ZNF367: variants seen among roughly 807,000 people sequenced by gnomAD.
ZNF367 encodes the protein C2H2 zinc finger protein ZFF29.
Under a neutral mutation model 31.8 loss-of-function variants are expected in ZNF367, and 11 were observed. The ratio of observed to expected loss-of-function variants is 0.35; its 90% confidence interval spans 0.22 to 0.57. The LOEUF (loss-of-function observed/expected upper bound fraction) is 0.57. Among genes scored for constraint, ZNF367 ranks in the 20% least tolerant of loss-of-function variants. ZNF367 has a pLI of 0.85. For synonymous variants in ZNF367, 199 were observed against 202.4 expected, an observed-to-expected ratio of 0.98 and a Z score of 0.14; for missense variants, 353 against 484.1, an observed-to-expected ratio of 0.73 and a Z score of 2.54.
chr9:96,392,624 A>G (rs1831485513), intron 3 of ZNF367, 88 bp from the exon 4 acceptor site: 4 of 1,492,174 alleles, frequency 2.7e-6, no homozygotes, highest in Non-Finnish European at 3.6e-6. Flanking sequence ...GGTATCCAGA[A>G]AAGTAAATTA....
chr9:96,394,778 A>T (rs781508184), intron 3 of ZNF367, 45 bp downstream of exon 3: 1 of 1,558,108 alleles, frequency 6.4e-7, no homozygotes, highest in African/African-American at 1.4e-5. Flanking sequence ...TTTAACTGTT[A>T]AGTCACAACT....
At chr9:96,400,392 C>CAAAAAAAAAAA (rs57650386) in intron 1 of ZNF367, among the ~76,000 whole-genome samples, 1 of 71,898 alleles carries the variant, frequency 1.4e-5, no homozygotes, top group Non-Finnish European at 2.6e-5. Flanking sequence ...GACCCTGTCT[C>CAAAAAAAAAAA]AAAAAAAAAA....
intron 1 of ZNF367, among the ~76,000 whole-genome samples, chr9:96,409,686 A>T (rs1291552735): frequency 6.6e-6 from 1 of 152,220 alleles, no homozygotes; most frequent in East Asian, 1.9e-4. Flanking sequence ...TGGTCATCAA[A>T]TTCTTTCATC....
rs1831410420 is a variant in ZNF367, at chr9:96,386,501, G to A, written c.*1736C>T. 1 of 152,086 alleles carries A rather than the reference G, an allele frequency of 6.6e-6. No homozygotes were observed. Among genetic ancestry groups the A allele is most frequent in the Non-Finnish European group, 1.5e-5 (1 of 68,002 alleles). The allele number at this position is 152,086 out of a possible 1,614,324, so 9.4% of individuals were successfully genotyped here. A position where few individuals can be genotyped will look rare whatever the true frequency, so the allele number is the denominator to read the frequency against. ...AAACCAAGATAATTCAGATGCTATA[G>A]TCTCTCTTACCAGCTTATAAGTGCT... On this transcript the variant is annotated 3_prime_UTR_variant, in exon 5 of 5. Coordinates refer to ENST00000375256, the MANE Select transcript of ZNF367 (RefSeq NM_153695.4).
rs769443754 is a variant in ZNF367 at position 96,417,949 on chromosome 9, C to T, written c.84G>A (p.Lys28=). ...PPVIFCHDSP[K]RVLVSVIRTT... is the part of the protein sequence containing the mutation. ...TCCTGATGACCGACACCAGCACCCG[C>T]TTCGGGGAGTCGTGGCAGAAGATGA... Residue 28 remains lysine, a synonymous_variant, in exon 1 of 5, where the codon AAG becomes AAA. Coordinates refer to ENST00000375256, the MANE Select transcript of ZNF367 (RefSeq NM_153695.4). The surrounding 1 kb of genome is among the most constrained non-coding windows in gnomAD (Gnocchi z 5.0). The T allele has an allele frequency of 4.0e-6, 6 of 1,500,204 alleles. No individual in the cohort carries two copies. The East Asian group carries it at 1.6e-4, about 41-fold the overall frequency. 92.9% of individuals were successfully genotyped at this position (1,500,204 alleles called of 1,614,324 possible).
chr9:96,417,988 C>G lies in ZNF367; in HGVS notation c.45G>C (p.Pro15=). 7.0e-7 allele frequency: 1 copy of G among 1,433,286 alleles called. No homozygotes were observed. The highest frequency in any genetic ancestry group is 9.1e-7 in the Non-Finnish European group (1 of 1,101,652). The allele number at this position is 1,433,286 out of a possible 1,614,324, so 88.8% of individuals were successfully genotyped here. A position where few individuals can be genotyped will look rare whatever the true frequency, so the allele number is the denominator to read the frequency against. The change falls in exon 1 of 5, where the codon CCG becomes CCC. Residue 15 remains proline (P), a synonymous_variant. Transcript: ENST00000375256. This position sits in a 1 kb window ranked among gnomAD's most constrained non-coding sequence, Gnocchi z 5.0. The part of the protein sequence containing the change: ...FEAPMAENPP[P]PPPPVIFCHD... Reference sequence around the variant, plus strand: ...GGCAGAAGATGACGGGCGGCGGCGGCGGCGGCGGGTTCTCCGCCATGGGCG... The same window carrying G: ...GGCAGAAGATGACGGGCGGCGGCGGGGGCGGCGGGTTCTCCGCCATGGGCG...
Position 96,417,102 on chromosome 9 carries a change from A to C in ZNF367, c.420+511T>G, listed in dbSNP as rs1831840827. On this transcript the variant is annotated intron_variant, in intron 1 of 4. Coordinates refer to ENST00000375256, the MANE Select transcript of ZNF367 (RefSeq NM_153695.4). The surrounding 1 kb of genome is among the most constrained non-coding windows in gnomAD (Gnocchi z 5.0). ...CACCTAGCAAGTAGTATGCTGGATA[A>C]ATGAAAGGCAGCGAAGGCACAACTT... Among the ~76,000 whole-genome samples the C allele has an allele frequency of 6.6e-6, 1 of 152,196 alleles. No homozygotes were observed. Among genetic ancestry groups the C allele is most frequent in the African/African-American group, 2.4e-5 (1 of 41,438 alleles).
chr9:96,407,875 G>A (rs1487946981), intron 1 of ZNF367: 2 of 530,194 alleles, frequency 3.8e-6, no homozygotes, highest in Admixed American at 3.4e-5. Context: ...CAAAGTGCTG[G>A]AATTACAGGC....
intron 1 of ZNF367, among the ~76,000 whole-genome samples, chr9:96,399,893 CAAAG>C (rs1831580572): frequency 6.6e-6 from 1 of 152,090 alleles, no homozygotes; most frequent in South Asian, 2.1e-4. Flanking sequence ...ACAAACACAA[CAAAG>C]AACACAGAAT....
At position 96,417,976 on chromosome 9, in the gene ZNF367, G is replaced by A; in HGVS notation, c.57C>T (p.Pro19=). Residue 19 remains proline, a synonymous_variant, in exon 1 of 5, where the codon CCC becomes CCT. Transcript: ENST00000375256. This position sits in a 1 kb window ranked among gnomAD's most constrained non-coding sequence, Gnocchi z 5.0. ...MAENPPPPPP[P]VIFCHDSPKR... is the part of the protein sequence containing the mutation. ...TCGGGGAGTCGTGGCAGAAGATGACGGGCGGCGGCGGCGGCGGCGGGTTCT... is the reference window on the plus strand; with the variant it reads ...TCGGGGAGTCGTGGCAGAAGATGACAGGCGGCGGCGGCGGCGGCGGGTTCT... The A allele has an allele frequency of 6.9e-7, 1 of 1,446,284 alleles. No individual in the cohort carries two copies. The highest frequency in any genetic ancestry group is 9.1e-7 in the Non-Finnish European group (1 of 1,104,142). 89.6% of individuals were successfully genotyped at this position (1,446,284 alleles called of 1,614,324 possible). A position where few individuals can be genotyped will look rare whatever the true frequency, so the allele number is the denominator to read the frequency against.
chr9:96,412,821 G>A (rs929125490), intron 1 of ZNF367, among the ~76,000 whole-genome samples: 4 of 150,386 alleles, frequency 2.7e-5, no homozygotes, highest in African/African-American at 4.9e-5. Context: ...TCAGCCTCCC[G>A]AGTAGCCGGG....
chr9:96,415,271 G>A (rs1831804489), intron 1 of ZNF367, among the ~76,000 whole-genome samples: 1 of 140,808 alleles, frequency 7.1e-6, no homozygotes, highest in South Asian at 2.3e-4. Flanking sequence ...GTTTCACCGT[G>A]TTAGCCAGGA....
chr9:96,412,049 A>G (rs1289946020), intron 1 of ZNF367, among the ~76,000 whole-genome samples: 1 of 152,218 alleles, frequency 6.6e-6, no homozygotes, highest in Non-Finnish European at 1.5e-5. Context: ...TAATCATATA[A>G]TGCCCTAAAT....
Position 96,417,988 on chromosome 9 carries a change from C to T in ZNF367, c.45G>A (p.Pro15=). The T allele has an allele frequency of 7.0e-7, 1 of 1,433,280 alleles. No homozygotes were observed. Among genetic ancestry groups the T allele is most frequent in the Non-Finnish European group, 9.1e-7 (1 of 1,101,652 alleles). The allele number at this position is 1,433,280 out of a possible 1,614,324, so 88.8% of individuals were successfully genotyped here. ...GGCAGAAGATGACGGGCGGCGGCGG[C>T]GGCGGCGGGTTCTCCGCCATGGGCG... ...FEAPMAENPP[P]PPPPVIFCHD... Residue 15 remains proline (P), a synonymous_variant, in exon 1 of 5, where the codon CCG becomes CCA. Transcript: ENST00000375256. The surrounding 1 kb of genome is among the most constrained non-coding windows in gnomAD (Gnocchi z 5.0).
In ZNF367 at chr9:96,417,625, G is replaced by T; in HGVS notation, c.408C>A (p.Ser136Arg). The change falls in exon 1 of 5, where the codon AGC (serine) becomes AGA (arginine). Residue 136 changes from serine to arginine, a missense_variant. Around this residue, in one of 5 missense-constraint regions of ZNF367, gnomAD observed 70 missense variants for 57.1 expected, o/e 1.23. Coordinates refer to ENST00000375256, the MANE Select transcript of ZNF367 (RefSeq NM_153695.4). The surrounding 1 kb of genome is among the most constrained non-coding windows in gnomAD (Gnocchi z 5.0). Reference protein sequence around the residue: ...EDEEEASSPDSGHLKDGIRRG... With the variant: ...EDEEEASSPDRGHLKDGIRRG... ...CCGCGCCGCTCACCTTGAGGTGGCCGCTGTCTGGGCTGCTCGCTTCCTCCT... is the reference window on the plus strand; with the variant it reads ...CCGCGCCGCTCACCTTGAGGTGGCCTCTGTCTGGGCTGCTCGCTTCCTCCT... The T allele has an allele frequency of 4.2e-6, 3 of 706,568 alleles. No homozygotes were observed. Among genetic ancestry groups the T allele is most frequent in the Non-Finnish European group, 5.8e-6 (3 of 515,518 alleles). The allele number at this position is 706,568 out of a possible 1,614,324, so 43.8% of individuals were successfully genotyped here. A position where few individuals can be genotyped will look rare whatever the true frequency, so the allele number is the denominator to read the frequency against.
rs1387727972 is a variant in ZNF367 at position 96,396,922 on chromosome 9, C to T, written c.571+1242G>A. Among the ~76,000 whole-genome samples, 47 of 152,268 alleles carry T rather than the reference C, an allele frequency of 3.1e-4. 1 individual carries two copies. Among genetic ancestry groups the T allele is most frequent in the Non-Finnish European group, 1.5e-5 (1 of 68,016 alleles). ...CCTCAGGTGATCCACCCACCTCGGCCTCTCAAAGTGCTGGGATTACAGGCG... is the reference window on the plus strand; with the variant it reads ...CCTCAGGTGATCCACCCACCTCGGCTTCTCAAAGTGCTGGGATTACAGGCG... On this transcript the variant is annotated intron_variant, in intron 2 of 4. Coordinates refer to ENST00000375256, the MANE Select transcript of ZNF367 (RefSeq NM_153695.4).
intron 1 of ZNF367, among the ~76,000 whole-genome samples, chr9:96,413,511 G>T (rs1473539028): frequency 6.6e-6 from 1 of 152,164 alleles, no homozygotes; most frequent in Non-Finnish European, 1.5e-5. Flanking sequence ...AGATCCTGTA[G>T]GGTGAATAGT....
At chr9:96,400,585 C>T (rs1831590812) in intron 1 of ZNF367, among the ~76,000 whole-genome samples, 1 of 151,414 alleles carries the variant, frequency 6.6e-6, no homozygotes, top group South Asian at 2.1e-4. Context: ...ATTTCAGTGG[C>T]AGATTTGAAC....
chr9:96,397,629 A>C (rs74924221), intron 2 of ZNF367, among the ~76,000 whole-genome samples: 2,133 of 152,344 alleles, frequency 0.014, 48 homozygotes, highest in African/African-American at 0.048. Context: ...TTACCATGAT[A>C]ACTTTAGAAA....
Sources: gnomAD v4.1 joint callset for allele counts (sites outside exome capture counted in the v4.1 genomes callset) on GRCh38, gnomAD v4.1.1 for gene constraint, gnomAD v4.1.1 regional missense constraint, Gnocchi (gnomAD v3.1) non-coding constraint, MANE v1.5 for transcripts, NCBI Gene and HGNC (gene_info 2026-07-23, HGNC 2026-07-21) for gene names.